Variants in PRKX observed in about 807,000 individuals in gnomAD.
PRKX encodes protein kinase cAMP-dependent X-linked catalytic subunit.
PRKX carries 12 observed loss-of-function variants against 22.0 expected under a neutral mutation model. The observed-to-expected ratio is 0.54, with a 90% CI of 0.35 to 0.88. The LOEUF (loss-of-function observed/expected upper bound fraction) is 0.88, where lower values mean the gene tolerates loss of function less well. Among genes scored for constraint, PRKX ranks in the 40% least tolerant of loss-of-function variants. The pLI is 0.01. For synonymous variants in PRKX, 134 were observed against 137.7 expected (o/e 0.97, Z 0.19); for missense variants, 217 against 308.0 (o/e 0.70, Z 2.21).
chrX:3,649,784 A>C, intron 3 of PRKX, among the ~76,000 whole-genome samples: 1 of 26,733 alleles, frequency 3.7e-5, no homozygotes, highest in African/African-American at 1.6e-4. Flanking sequence ...GGAGGAAGGA[A>C]GGGAGGGAGG....
Position 3,605,059 on chromosome X carries a change from A to ACC in PRKX, c.*3908_*3909dup, listed in dbSNP as rs1237678779. ...CACACACACACACACACACACACAC[A>ACC]CCCCGCAAAGAAACTATCCAAATGC... On this transcript the variant is annotated 3_prime_UTR_variant, in exon 9 of 9. Coordinates refer to ENST00000262848, the MANE Select transcript of PRKX (RefSeq NM_005044.5). The ACC allele has an allele frequency of 5.7e-4, 46 of 80,722 alleles. No individual in the cohort carries two copies. The highest frequency in any genetic ancestry group is 1.7e-3 in the African/African-American group (39 of 22,477). 6.7% of individuals were successfully genotyped at this position (80,722 alleles called of 1,213,427 possible). A position where few individuals can be genotyped will look rare whatever the true frequency, so the allele number is the denominator to read the frequency against.
intron 2 of PRKX, among the ~76,000 whole-genome samples, chrX:3,671,346 T>C (rs1488922043): frequency 9.0e-6 from 1 of 111,597 alleles, no homozygotes; most frequent in East Asian, 2.8e-4. Context: ...CCTTCCGCCT[T>C]GGCCTCCAAA....
chrX:3,689,677 C>G (rs181849505), intron 1 of PRKX, among the ~76,000 whole-genome samples: 1 of 111,866 alleles, frequency 8.9e-6, no homozygotes, highest in African/African-American at 3.2e-5. Context: ...AAGACTCTGT[C>G]TCAAAAAATG....
At chrX:3,629,888 T>A (rs773392419) in intron 4 of PRKX, among the ~76,000 whole-genome samples, 2 of 112,057 alleles carry the variant, frequency 1.8e-5, no homozygotes, top group South Asian at 7.5e-4. Context: ...GAGCAGAGTC[T>A]GTACTTGTAA....
intron 1 of PRKX, among the ~76,000 whole-genome samples, chrX:3,697,289 C>T (rs1468864564): frequency 1.8e-5 from 2 of 110,904 alleles, no homozygotes; most frequent in Non-Finnish European, 3.8e-5. Context: ...CTGCTTGAGC[C>T]CAGGAGGTGA....
At chrX:3,701,770 C>T (rs1253310851) in intron 1 of PRKX, among the ~76,000 whole-genome samples, 1 of 111,481 alleles carries the variant, frequency 9.0e-6, no homozygotes, top group Non-Finnish European at 1.9e-5. Context: ...CTGGCCAAAT[C>T]CCACCCAAAC....
chrX:3,624,268 C>A (rs1219849290), intron 5 of PRKX, among the ~76,000 whole-genome samples: 1 of 111,453 alleles, frequency 9.0e-6, no homozygotes, highest in Non-Finnish European at 1.9e-5. Flanking sequence ...TAAGATTTAA[C>A]AAATAATGGG....
At chrX:3,638,772 G>T (rs1157363627) in intron 4 of PRKX, among the ~76,000 whole-genome samples, 7 of 109,869 alleles carry the variant, frequency 6.4e-5, no homozygotes, top group Non-Finnish European at 1.3e-4. Context: ...TAGAAAAGCA[G>T]ATAGATGAAT....
chrX:3,624,654 C>G (rs759345989), intron 5 of PRKX, among the ~76,000 whole-genome samples: 15 of 110,695 alleles, frequency 1.4e-4, no homozygotes, highest in Non-Finnish European at 2.1e-4. Flanking sequence ...GAGTTTCACT[C>G]TTTCATCCAG....
In PRKX at chrX:3,674,516, C is replaced by T. The variant is rs751978659; in HGVS notation, c.335+82G>A. On this transcript the variant is annotated intron_variant, in intron 2 of 8. Transcript: ENST00000262848. ...AGGCTTTGCACGCAGGCCATGGTCT[C>T]GGCCCACCCAGCTTCTTATAAGAAG... The T allele has an allele frequency of 2.7e-4, 290 of 1,055,290 alleles. 1 individual carries two copies. The African/African-American group carries it at 4.0e-3, about 15-fold the overall frequency. The allele number at this position is 1,055,290 out of a possible 1,213,427, so 87.0% of individuals were successfully genotyped here.
chrX:3,612,178 T>C lies in PRKX; in HGVS notation c.*22A>G. 8.3e-7 allele frequency: 1 copy of C among 1,202,846 alleles called. No homozygotes were observed. The highest frequency in any genetic ancestry group is 1.7e-5 in the African/African-American group (1 of 57,405). ...GAATTACTAAATATAAAGATATACC[T>C]TCCAGATGTGAGCTCCTGTCCTCAG... On this transcript the variant is annotated splice_region_variant and 3_prime_UTR_variant, in exon 8 of 9. Transcript: ENST00000262848.
intron 4 of PRKX, among the ~76,000 whole-genome samples, chrX:3,637,872 G>T (rs752930220): frequency 6.7e-4 from 73 of 108,780 alleles, no homozygotes; most frequent in Non-Finnish European, 1.2e-3. Context: ...AGGTTCAAGC[G>T]ATTCTCGTGC....
intron 6 of PRKX, among the ~76,000 whole-genome samples, chrX:3,619,326 G>T (rs1431931111): frequency 9.0e-6 from 1 of 111,026 alleles, no homozygotes. Flanking sequence ...AGGCAGGAAG[G>T]ATCCCCCACT....
chrX:3,658,037 C>T (rs759640084), intron 2 of PRKX, among the ~76,000 whole-genome samples: 4 of 111,702 alleles, frequency 3.6e-5, no homozygotes, highest in African/African-American at 1.3e-4. Context: ...GTTGCCCAGG[C>T]TGGAGTGCAA....
chrX:3,640,272 C>T (rs1474219767), intron 4 of PRKX, among the ~76,000 whole-genome samples: 2 of 110,361 alleles, frequency 1.8e-5, no homozygotes, highest in African/African-American at 6.6e-5. Flanking sequence ...GTTCTGGGCC[C>T]TCGCTGGCTG....
In PRKX at chrX:3,675,525, T is replaced by C. The variant is rs757434535; in HGVS notation, c.167-759A>G. On this transcript the variant is annotated intron_variant, in intron 1 of 8. Coordinates refer to ENST00000262848, the MANE Select transcript of PRKX (RefSeq NM_005044.5). ...TCTCTTTCATCTCTTCCTTCTCCTC[T>C]ACATCCTTTTCTTTTCCACTTCTTC... Among the ~76,000 whole-genome samples, 113 of 110,522 alleles carry C rather than the reference T, an allele frequency of 1.0e-3. 1 individual carries two copies. Among genetic ancestry groups the C allele is most frequent in the African/African-American group, 3.5e-3 (106 of 30,381 alleles).
chrX:3,665,036 G>A (rs909920577), intron 2 of PRKX, among the ~76,000 whole-genome samples: 3 of 112,269 alleles, frequency 2.7e-5, no homozygotes, highest in Non-Finnish European at 5.6e-5. Context: ...AAGAAAACAA[G>A]AGACAAAAAT....
In PRKX at chrX:3,607,319, C is replaced by T. The variant is rs1272178061; in HGVS notation, c.*1650G>A. 9.0e-6 allele frequency: 1 copy of T among 111,684 alleles called. No individual in the cohort carries two copies. Among genetic ancestry groups the T allele is most frequent in the South Asian group, 3.8e-4 (1 of 2,662 alleles). The allele number at this position is 111,684 out of a possible 1,213,427, so 9.2% of individuals were successfully genotyped here. On this transcript the variant is annotated 3_prime_UTR_variant, in exon 9 of 9. Coordinates refer to ENST00000262848, the MANE Select transcript of PRKX (RefSeq NM_005044.5). The stretch of plus-strand genomic sequence containing the variant: ...CTCGCGCAGGGGGCCATGCTAATCT[C>T]CTCTGTGTCATTCCAATTTTAGTAT...
At chrX:3,657,992 T>TTTTG (rs896073802) in intron 2 of PRKX, among the ~76,000 whole-genome samples, 1 of 110,919 alleles carries the variant, frequency 9.0e-6, no homozygotes, top group African/African-American at 3.3e-5. Flanking sequence ...GCTTTGGGAT[T>TTTTG]TTTGTTTGTT....
Sources: gnomAD v4.1 joint callset for allele counts (sites outside exome capture counted in the v4.1 genomes callset) on GRCh38, gnomAD v4.1.1 for gene constraint, MANE v1.5 for transcripts, NCBI Gene and HGNC (gene_info 2026-07-23, HGNC 2026-07-21) for gene names.